The following MAST4 variants were observed in gnomAD, a reference collection of about 807,000 sequenced individuals.
The protein encoded by MAST4 is microtubule associated serine/threonine kinase family member 4, also known as microtubule-associated serine/threonine-protein kinase 4.
A neutral mutation model predicts 162.7 loss-of-function variants in MAST4; 89 were observed. The observed-to-expected ratio is 0.55, with a 90% CI of 0.46 to 0.65. The LOEUF is 0.65. MAST4 is among the 30% of genes least tolerant of loss of function. The pLI, the probability that MAST4 is intolerant of heterozygous loss-of-function variation, is 0.00. For missense variants in MAST4, 3,153 were observed against 3,374.0 expected (o/e 0.93, Z 1.62); for synonymous variants, 1,479 against 1,361.1 (o/e 1.09, Z -1.91).
intron 2 of MAST4, among the ~76,000 whole-genome samples, chr5:66,782,640 A>G (rs1754930548): frequency 6.6e-6 from 1 of 152,252 alleles, no homozygotes; most frequent in Non-Finnish European, 1.5e-5. Context: ...ATGTTTCAAT[A>G]AGCATAGTAG....
intron 18 of MAST4, among the ~76,000 whole-genome samples, chr5:67,135,662 G>A (rs1325108722): frequency 6.6e-6 from 1 of 152,170 alleles, no homozygotes; most frequent in African/African-American, 2.4e-5. Flanking sequence ...AGCTGTTTAT[G>A]GATTTATAAC....
At chr5:66,643,627 C>A (rs1580082895) in intron 1 of MAST4, among the ~76,000 whole-genome samples, 1 of 152,190 alleles carries the variant, frequency 6.6e-6, no homozygotes, top group East Asian at 1.9e-4. Flanking sequence ...TTGGTTTCAG[C>A]TGTTTTTTTC....
At chr5:67,099,912 T>C (rs745604327) in intron 7 of MAST4, among the ~76,000 whole-genome samples, 1 of 152,180 alleles carries the variant, frequency 6.6e-6, no homozygotes, top group African/African-American at 2.4e-5. Context: ...AGTGGCTTTA[T>C]TGGGAAAAGG....
intron 4 of MAST4, among the ~76,000 whole-genome samples, chr5:67,029,217 A>G (rs1755024298): frequency 6.6e-6 from 1 of 152,064 alleles, no homozygotes; most frequent in Non-Finnish European, 1.5e-5. Flanking sequence ...CAGCAGCTTC[A>G]AGTATTTATG....
chr5:66,763,782 T>C (rs964909831), intron 2 of MAST4, among the ~76,000 whole-genome samples: 5 of 152,186 alleles, frequency 3.3e-5, no homozygotes, highest in Non-Finnish European at 7.4e-5. Context: ...AACTTTATGA[T>C]GAGTTTAGTG....
intron 14 of MAST4, among the ~76,000 whole-genome samples, chr5:67,125,658 G>A (rs2150970447): frequency 6.6e-6 from 1 of 152,218 alleles, no homozygotes; most frequent in East Asian, 1.9e-4. Flanking sequence ...ATCATTGATG[G>A]GCATTTGGGT....
intron 1 of MAST4, among the ~76,000 whole-genome samples, chr5:66,729,185 T>A (rs968986622): frequency 6.6e-6 from 1 of 152,200 alleles, no homozygotes; most frequent in Non-Finnish European, 1.5e-5. Context: ...GATTATGCAA[T>A]TAGGAATATT....
intron 4 of MAST4, among the ~76,000 whole-genome samples, chr5:66,940,998 A>C (rs1743300925): frequency 6.6e-6 from 1 of 152,164 alleles, no homozygotes; most frequent in African/African-American, 2.4e-5. Context: ...GCCAAAGAGC[A>C]GTAATATCTC....
intron 4 of MAST4, among the ~76,000 whole-genome samples, chr5:66,953,763 G>A (rs763764395): frequency 6.6e-6 from 1 of 152,158 alleles, no homozygotes; most frequent in African/African-American, 2.4e-5. Flanking sequence ...TGTCTCTAGA[G>A]CAAGATTTCT....
At chr5:67,145,862 G>C (rs1771019811) in intron 23 of MAST4, among the ~76,000 whole-genome samples, 1 of 152,142 alleles carries the variant, frequency 6.6e-6, no homozygotes, top group Non-Finnish European at 1.5e-5. Flanking sequence ...TGAAATGGAT[G>C]GTTGTTTCTT....
chr5:66,783,327 A>G (rs78431462), intron 2 of MAST4: 1 of 151,934 alleles, frequency 6.6e-6, no homozygotes, highest in East Asian at 1.9e-4. Context: ...TATATTTTCT[A>G]TTTTTAGATT....
chr5:66,654,212 A>C (rs1180945317), intron 1 of MAST4, among the ~76,000 whole-genome samples: 1 of 152,218 alleles, frequency 6.6e-6, no homozygotes, highest in Non-Finnish European at 1.5e-5. Flanking sequence ...ATGTTTAATA[A>C]TGTCCTGATG....
chr5:66,718,486 G>A (rs1296368850), intron 1 of MAST4, among the ~76,000 whole-genome samples: 1 of 152,060 alleles, frequency 6.6e-6, no homozygotes, highest in African/African-American at 2.4e-5. Context: ...GCTTGGCCCC[G>A]TGTGTGGTGG....
chr5:66,598,772 T>C (rs1263627732), intron 1 of MAST4, among the ~76,000 whole-genome samples: 2 of 152,196 alleles, frequency 1.3e-5, no homozygotes, highest in African/African-American at 4.8e-5. Flanking sequence ...AGGAGGGTGC[T>C]CCATGGTAAG....
intron 1 of MAST4, among the ~76,000 whole-genome samples, chr5:66,655,573 G>A (rs1378167420): frequency 1.3e-5 from 2 of 152,130 alleles, no homozygotes; most frequent in African/African-American, 4.8e-5. Flanking sequence ...CTCAGGGTAG[G>A]TCCAGCCTGA....
At chr5:66,676,717 A>C (rs1028133611) in intron 1 of MAST4, among the ~76,000 whole-genome samples, 10 of 152,122 alleles carry the variant, frequency 6.6e-5, no homozygotes, top group Non-Finnish European at 1.0e-4. Flanking sequence ...GCTCTTTAGG[A>C]GTTTGTAGTT....
chr5:66,992,464 T>C lies in MAST4; in HGVS notation c.675-61940T>C, dbSNP rs78264977. Among the ~76,000 whole-genome samples, 394 of 140,208 alleles carry C rather than the reference T, an allele frequency of 2.8e-3. 5 individuals carry two copies. Among genetic ancestry groups the C allele is most frequent in the African/African-American group, 0.01 (376 of 36,636 alleles). 92.0% of individuals were successfully genotyped at this position (140,208 alleles called of 152,430 possible). A position where few individuals can be genotyped will look rare whatever the true frequency, so the allele number is the denominator to read the frequency against. ...GTAGCATCATCTACTAAACTCAGAC[T>C]TCCGAAGTCATGGGCAGACTTTCCC... On this transcript the variant is annotated intron_variant, in intron 4 of 28. Coordinates refer to ENST00000403625, the MANE Select transcript of MAST4 (RefSeq NM_001164664.2).
chr5:67,037,862 G>C (rs1756211839), intron 4 of MAST4, among the ~76,000 whole-genome samples: 1 of 137,494 alleles, frequency 7.3e-6, no homozygotes, highest in Non-Finnish European at 1.6e-5. Context: ...TAGACTCATT[G>C]CCCAGGGATT....
In MAST4 at chr5:66,853,706, T is replaced by C. The variant is rs563614392; in HGVS notation, c.643-46245T>C. 2.0e-5 allele frequency among the ~76,000 whole-genome samples: 3 copies of C among 152,282 alleles called. No individual in the cohort carries two copies. In the South Asian group the frequency reaches 6.2e-4, roughly 32 times the overall value. On this transcript the variant is annotated intron_variant, in intron 3 of 28. Coordinates refer to ENST00000403625, the MANE Select transcript of MAST4 (RefSeq NM_001164664.2). ...GTTTTTCAATTCACTGCTTCATGGG[T>C]TTTCTGCCTGTGGGAATAGTTTTTT...
Sources: gnomAD v4.1 joint callset for allele counts (sites outside exome capture counted in the v4.1 genomes callset) on GRCh38, gnomAD v4.1.1 for gene constraint, MANE v1.5 for transcripts, NCBI Gene and HGNC (gene_info 2026-07-23, HGNC 2026-07-21) for gene names.